CCNB3: variants seen among roughly 807,000 people sequenced by gnomAD.
CCNB3 encodes G2/mitotic-specific cyclin-B3.
In CCNB3, 12 loss-of-function variants were observed where a neutral mutation model predicts 68.0. The observed-to-expected ratio is 0.18, with a 90% CI of 0.11 to 0.29. The LOEUF (loss-of-function observed/expected upper bound fraction) is 0.29, where lower values mean the gene tolerates loss of function less well. Among genes scored for constraint, CCNB3 ranks in the 10% least tolerant of loss-of-function variants. CCNB3 has a pLI of 1.00. For missense variants in CCNB3, 904 were observed against 993.1 expected (o/e 0.91, Z 1.21); for synonymous variants, 354 against 388.9 (o/e 0.91, Z 1.06).
At chrX:50,228,397 T>G (rs1290831972) in intron 1 of CCNB3, among the ~76,000 whole-genome samples, 1 of 87,194 alleles carries the variant, frequency 1.1e-5, no homozygotes, top group Non-Finnish European at 2.2e-5. Flanking sequence ...TCTACATAAA[T>G]ATATATAGAG....
intron 8 of CCNB3, among the ~76,000 whole-genome samples, 187 bp downstream of exon 8, chrX:50,314,135 GAAT>G (rs1169621596): frequency 8.9e-5 from 10 of 112,633 alleles, no homozygotes; most frequent in African/African-American, 2.9e-4. Flanking sequence ...ATACAAAGTA[GAAT>G]ATACTAAGTG....
chrX:50,221,599 A>G (rs1373430347), intron 1 of CCNB3, among the ~76,000 whole-genome samples: 1 of 111,596 alleles, frequency 9.0e-6, no homozygotes, highest in Non-Finnish European at 1.9e-5. Flanking sequence ...TGAGTTTCTT[A>G]ATCTTGAGTA....
chrX:50,300,305 A>G (rs782819183), intron 5 of CCNB3, among the ~76,000 whole-genome samples: 229 of 111,213 alleles, frequency 2.1e-3, no homozygotes, highest in African/African-American at 6.4e-3. Context: ...TGCTTCCTTC[A>G]GGAGCTCTTT....
At chrX:50,349,365 G>T (rs1270433738) in intron 11 of CCNB3, among the ~76,000 whole-genome samples, 1 of 112,397 alleles carries the variant, frequency 8.9e-6, no homozygotes, top group African/African-American at 3.2e-5. Context: ...TGAAAGAAAG[G>T]CTTTGTATAC....
At chrX:50,326,959 G>A (rs1300770242) in intron 8 of CCNB3, among the ~76,000 whole-genome samples, 2 of 112,125 alleles carry the variant, frequency 1.8e-5, no homozygotes, top group African/African-American at 6.5e-5. Flanking sequence ...CTCTTTATAT[G>A]TTCTATAGTT....
At chrX:50,317,571 T>G (rs5915261) in intron 8 of CCNB3, among the ~76,000 whole-genome samples, 2 of 5,787 alleles carry the variant, frequency 3.5e-4, no homozygotes, top group African/African-American at 6.3e-4. Flanking sequence ...ATGTATGTAT[T>G]TATTTATTTA....
intron 11 of CCNB3, 96 bp from the exon 12 acceptor site, chrX:50,351,145 T>TA: frequency 1.0e-6 from 1 of 998,159 alleles, no homozygotes; most frequent in Non-Finnish European, 1.4e-6. Flanking sequence ...CATCTCTGTT[T>TA]AAACCATGTG....
In CCNB3 at chrX:50,279,310, A is replaced by G. The variant is rs1395089402; in HGVS notation, c.-112-5232A>G. ...TATATAAATATATATGAATATTTAT[A>G]TTTAATATATATTTAAATATATATG... is the stretch of plus-strand genomic sequence containing the variant. On this transcript the variant is annotated intron_variant, in intron 1 of 12. Transcript: ENST00000376042. 9.3e-4 allele frequency among the ~76,000 whole-genome samples: 67 copies of G among 72,237 alleles called. 1 individual carries two copies. The highest frequency in any genetic ancestry group is 3.8e-3 in the African/African-American group (60 of 15,914). 62.7% of individuals were successfully genotyped at this position (72,237 alleles called of 115,157 possible). A position where few individuals can be genotyped will look rare whatever the true frequency, so the allele number is the denominator to read the frequency against.
intron 8 of CCNB3, among the ~76,000 whole-genome samples, chrX:50,328,963 A>C (rs1298585520): frequency 8.9e-6 from 1 of 112,532 alleles, no homozygotes; most frequent in Non-Finnish European, 1.9e-5. Flanking sequence ...TACATCTTGA[A>C]GCTCCAAAAC....
intron 8 of CCNB3, among the ~76,000 whole-genome samples, chrX:50,337,417 G>T (rs1922909500): frequency 9.0e-6 from 1 of 110,830 alleles, no homozygotes; most frequent in African/African-American, 3.3e-5. Flanking sequence ...TACTGCTGCT[G>T]CCTGTCCTCT....
At chrX:50,348,217 C>A (rs1923499549) in intron 11 of CCNB3, among the ~76,000 whole-genome samples, 2 of 111,454 alleles carry the variant, frequency 1.8e-5, no homozygotes, top group Non-Finnish European at 3.8e-5. Flanking sequence ...TCTGTGTCTA[C>A]AAAAGTGGCA....
intron 8 of CCNB3, among the ~76,000 whole-genome samples, chrX:50,338,077 A>C (rs1202075992): frequency 1.8e-5 from 2 of 111,869 alleles, no homozygotes; most frequent in African/African-American, 6.5e-5. Flanking sequence ...CCTGCCATGC[A>C]CTGCTCTGGT....
chrX:50,341,691 T>C (rs1035328114), intron 8 of CCNB3: 1 of 113,317 alleles, frequency 8.8e-6, no homozygotes, highest in Non-Finnish European at 1.9e-5. Context: ...ATTAATACTT[T>C]AATCCCAGTC....
chrX:50,285,527 T>A (rs1936219190), intron 3 of CCNB3, among the ~76,000 whole-genome samples: 1 of 111,540 alleles, frequency 9.0e-6, no homozygotes, highest in African/African-American at 3.3e-5. Flanking sequence ...TCATTAATGA[T>A]CATGTCTATA....
At chrX:50,316,522 A>G (rs1287769685) in intron 8 of CCNB3, among the ~76,000 whole-genome samples, 1 of 111,735 alleles carries the variant, frequency 8.9e-6, no homozygotes, top group Non-Finnish European at 1.9e-5. Context: ...AATTTTTAGC[A>G]TATGTATTGA....
At chrX:50,283,199 C>T (rs183538667) in intron 1 of CCNB3, among the ~76,000 whole-genome samples, 118 of 111,715 alleles carry the variant, frequency 1.1e-3, no homozygotes, top group African/African-American at 3.6e-3. Context: ...AGTTGGCTGG[C>T]TTAGAAGTCC....
At chrX:50,301,829 A>T (rs1185384152) in intron 5 of CCNB3, among the ~76,000 whole-genome samples, 1 of 112,699 alleles carries the variant, frequency 8.9e-6, no homozygotes, top group Non-Finnish European at 1.9e-5. Flanking sequence ...AAGCCTGGGC[A>T]ATGGCAGGTG....
chrX:50,294,783 A>G, intron 4 of CCNB3, 80 bp from the exon 5 acceptor site: 2 of 1,096,459 alleles, frequency 1.8e-6, no homozygotes, highest in Admixed American at 2.8e-5. Context: ...TATGAGAGCC[A>G]CCTTTTAGGT....
intron 1 of CCNB3, among the ~76,000 whole-genome samples, chrX:50,226,589 T>C (rs1422312176): frequency 4.7e-5 from 3 of 63,758 alleles, no homozygotes; most frequent in Admixed American, 2.5e-4. Context: ...TACATACAAA[T>C]ATATATATAG....
Sources: allele counts gnomAD v4.1 joint callset (sites outside exome capture counted in the v4.1 genomes callset), GRCh38; gene constraint gnomAD v4.1.1; transcripts MANE v1.5; gene names NCBI Gene and HGNC (gene_info 2026-07-23, HGNC 2026-07-21).